Variants in SEMA4D observed in about 807,000 individuals in gnomAD.
SEMA4D encodes the protein semaphorin 4D, also known as semaphorin-4D.
Under a neutral mutation model 74.8 loss-of-function variants are expected in SEMA4D, and 22 were observed. The observed-to-expected ratio is 0.29, with a 90% confidence interval of 0.21 to 0.42. The LOEUF (loss-of-function observed/expected upper bound fraction) is 0.42. Ranked by LOEUF, SEMA4D falls within the 10% of genes least tolerant of loss-of-function variation. The probability of loss-of-function intolerance (pLI) is 1.00; values close to 1 mark genes in which losing one functional copy is unlikely to be tolerated. For missense variants in SEMA4D, 937 were observed against 1,118.4 expected (o/e 0.84, Z 2.31); for synonymous variants, 445 against 463.7 (o/e 0.96, Z 0.52).
At chr9:89,401,375 C>T (rs1842190844) in intron 4 of SEMA4D, among the ~76,000 whole-genome samples, 1 of 152,152 alleles carries the variant, frequency 6.6e-6, no homozygotes, top group Non-Finnish European at 1.5e-5. Context: ...GTTTTCAGAG[C>T]ATAATGCTCA....
chr9:89,486,863 AGCTATGATTGT>A (rs1825237441), intron 1 of SEMA4D, among the ~76,000 whole-genome samples: 1 of 152,098 alleles, frequency 6.6e-6, no homozygotes, highest in Admixed American at 6.6e-5. Flanking sequence ...GCTATGATTG[AGCTATGATTGT>A]ACCACTGCAC....
chr9:89,444,760 C>G (rs73486194), intron 2 of SEMA4D, among the ~76,000 whole-genome samples: 3 of 152,016 alleles, frequency 2.0e-5, no homozygotes, highest in Non-Finnish European at 4.4e-5. Context: ...CTGGTACCCA[C>G]GAGCCCTAAG....
intron 16 of SEMA4D, chr9:89,367,659 C>T (rs1328323965): frequency 6.6e-6 from 1 of 152,270 alleles, no homozygotes; most frequent in Non-Finnish European, 1.5e-5. Flanking sequence ...CCCTTCCTGT[C>T]ACTGCAACTA....
chr9:89,433,952 G>A (rs1326196156), intron 2 of SEMA4D, among the ~76,000 whole-genome samples: 2 of 152,252 alleles, frequency 1.3e-5, no homozygotes, highest in Admixed American at 6.5e-5. Context: ...ATGATGAGCT[G>A]CAGAAGCCCC....
At position 89,381,076 on chromosome 9, in the gene SEMA4D, C is replaced by T. The variant is rs770720995; in HGVS notation, c.1642G>A (p.Gly548Ser). ...PSRGLIQEMS[G>S]DASVCPDKSK... ...TCACCCGGGCACACAGAAGCATCGC[C>T]GCTCATCTCCTGAATCAAACCCCTG... Residue 548 changes from glycine (G) to serine (S), a missense_variant, in exon 15 of 16, where the codon GGC becomes AGC. Transcript: ENST00000422704. This position sits in a 1 kb window ranked among gnomAD's most constrained non-coding sequence, Gnocchi z 4.6. The T allele has an allele frequency of 7.4e-5, 119 of 1,613,994 alleles. No homozygotes were observed. The highest frequency in any genetic ancestry group is 1.6e-4 in the Middle Eastern group (1 of 6,082).
intron 1 of SEMA4D, among the ~76,000 whole-genome samples, chr9:89,458,766 C>T (rs1256236630): frequency 1.3e-5 from 2 of 152,106 alleles, no homozygotes; most frequent in East Asian, 1.9e-4. Flanking sequence ...TACATATATG[C>T]ACATACAAAC....
At chr9:89,390,455 T>C (rs1451887450) in intron 9 of SEMA4D, among the ~76,000 whole-genome samples, 2 of 152,172 alleles carry the variant, frequency 1.3e-5, no homozygotes, top group African/African-American at 4.8e-5. Context: ...GATACTCAGG[T>C]GTGCACATCA....
intron 2 of SEMA4D, among the ~76,000 whole-genome samples, chr9:89,431,403 T>TTCAA (rs1454123058): frequency 6.6e-6 from 1 of 152,210 alleles, no homozygotes; most frequent in Non-Finnish European, 1.5e-5. Context: ...TAGGGGCACT[T>TTCAA]TCAATGTCTT....
chr9:89,457,106 T>C lies in SEMA4D; in HGVS notation c.-309-1153A>G, dbSNP rs112130424. ...AAAAGCTGTTCGATGTCATTAACGA[T>C]GAAAGAAACAAACTGAAGCAGGATG... On this transcript the variant is annotated intron_variant, in intron 1 of 15. Transcript: ENST00000422704. Among the ~76,000 whole-genome samples the C allele has an allele frequency of 6.7e-3, 1,017 of 152,158 alleles. 10 individuals carry two copies. Among genetic ancestry groups the C allele is most frequent in the African/African-American group, 0.023 (965 of 41,498 alleles).
intron 2 of SEMA4D, among the ~76,000 whole-genome samples, chr9:89,426,719 A>G (rs1242426200): frequency 1.3e-5 from 2 of 152,212 alleles, no homozygotes; most frequent in Non-Finnish European, 2.9e-5. Context: ...AGAGGCCACA[A>G]GAACCTCCCT....
intron 16 of SEMA4D, among the ~76,000 whole-genome samples, chr9:89,372,198 T>G (rs1044480388): frequency 4.7e-4 from 16 of 33,814 alleles, no homozygotes; most frequent in Admixed American, 1.5e-3. Flanking sequence ...GTGTGGGGGG[T>G]GTGGTGTGTG....
At chr9:89,397,863 G>A (rs1841339536) in intron 5 of SEMA4D, among the ~76,000 whole-genome samples, 1 of 152,212 alleles carries the variant, frequency 6.6e-6, no homozygotes, top group African/African-American at 2.4e-5. Flanking sequence ...CCAGTGCCAG[G>A]TAGGGACATG....
At chr9:89,430,254 A>C (rs752055263) in intron 2 of SEMA4D, among the ~76,000 whole-genome samples, 11 of 152,188 alleles carry the variant, frequency 7.2e-5, no homozygotes, top group Non-Finnish European at 1.5e-4. Flanking sequence ...AACTCCAAGC[A>C]TCTGTCCCTG....
chr9:89,404,033 T>C (rs1449838783), intron 3 of SEMA4D, among the ~76,000 whole-genome samples: 2 of 152,174 alleles, frequency 1.3e-5, no homozygotes, highest in Admixed American at 6.5e-5. Flanking sequence ...AGCACAACAA[T>C]GGCCTATATT....
chr9:89,469,736 ACTAAAC>A (rs1299578149), intron 1 of SEMA4D, among the ~76,000 whole-genome samples: 2 of 152,240 alleles, frequency 1.3e-5, no homozygotes, highest in African/African-American at 4.8e-5. Flanking sequence ...CTTTCAGCAA[ACTAAAC>A]CTAGAAGGGA....
rs138826055 is a variant in SEMA4D, at chr9:89,371,227, G to A, written c.1882+5606C>T. On this transcript the variant is annotated intron_variant, in intron 16 of 18. Transcript: ENST00000339861. ...GGGTGTGGTGTGTGGGGTGTGGTGT[G>A]TGTCTGGGGTAGGGTGCGTATGTGG... 4.6e-4 allele frequency among the ~76,000 whole-genome samples: 61 copies of A among 132,604 alleles called. 1 individual carries two copies. The highest frequency in any genetic ancestry group is 1.7e-3 in the African/African-American group (60 of 34,826). The allele number at this position is 132,604 out of a possible 152,430, so 87.0% of individuals were successfully genotyped here. A position where few individuals can be genotyped will look rare whatever the true frequency, so the allele number is the denominator to read the frequency against.
intron 2 of SEMA4D, among the ~76,000 whole-genome samples, chr9:89,421,057 G>A (rs1846824519): frequency 6.6e-6 from 1 of 152,226 alleles, no homozygotes; most frequent in African/African-American, 2.4e-5. Flanking sequence ...CCTACTGCCA[G>A]GGACTGTGGG....
intron 2 of SEMA4D, among the ~76,000 whole-genome samples, chr9:89,447,650 A>T (rs2135321932): frequency 6.6e-6 from 1 of 152,132 alleles, no homozygotes; most frequent in Non-Finnish European, 1.5e-5. Flanking sequence ...TCACAGCCTA[A>T]CCGGGTGCCC....
downstream of SEMA4D, chr9:89,376,662 G>A: frequency 1.0e-6 from 1 of 972,878 alleles, no homozygotes; most frequent in Non-Finnish European, 1.5e-6. Context: ...GTTTCCCTCG[G>A]GATGGACCCA....
Sources: allele counts gnomAD v4.1 joint callset (sites outside exome capture counted in the v4.1 genomes callset), GRCh38; gene constraint gnomAD v4.1.1; non-coding constraint Gnocchi (gnomAD v3.1); transcripts MANE v1.5; gene names NCBI Gene and HGNC (gene_info 2026-07-23, HGNC 2026-07-21).